RYR3: variants seen among roughly 807,000 people sequenced by gnomAD.
RYR3 encodes the protein brain ryanodine receptor-calcium release channel.
In RYR3, 207 loss-of-function variants were observed where a neutral mutation model predicts 584.3. That is an observed-to-expected ratio of 0.35 (90% CI 0.32 to 0.40). The LOEUF is 0.40. Among genes scored for constraint, RYR3 ranks in the 10% least tolerant of loss-of-function variants. The pLI, the probability that RYR3 is intolerant of heterozygous loss-of-function variation, is 1.00. For missense variants in RYR3, 5,616 were observed against 6,089.2 expected (o/e 0.92, Z 2.59); for synonymous variants, 2,416 against 2,248.5 (o/e 1.07, Z -2.11).
At chr15:33,717,750 T>TAACA (rs2067608174) in intron 43 of RYR3, among the ~76,000 whole-genome samples, 1 of 152,168 alleles carries the variant, frequency 6.6e-6, no homozygotes, top group African/African-American at 2.4e-5. Flanking sequence ...TCTGCGGGGG[T>TAACA]GGCTCTGTTC....
chr15:33,330,901 ATT>A (rs1227394347), intron 1 of RYR3, among the ~76,000 whole-genome samples: 2 of 152,152 alleles, frequency 1.3e-5, no homozygotes, highest in Non-Finnish European at 2.9e-5. Context: ...GTGTTTTAGT[ATT>A]ATCTCTGCTA....
chr15:33,552,008 G>A (rs563307933), intron 10 of RYR3, among the ~76,000 whole-genome samples: 1 of 152,314 alleles, frequency 6.6e-6, no homozygotes, highest in Admixed American at 6.5e-5. Flanking sequence ...GTTTTCCTAA[G>A]AATGCCAGTT....
intron 81 of RYR3, among the ~76,000 whole-genome samples, chr15:33,823,715 G>A (rs1002689290): frequency 6.6e-6 from 1 of 152,174 alleles, no homozygotes; most frequent in Non-Finnish European, 1.5e-5. Context: ...CAGAGTCATA[G>A]GTCATGATAC....
intron 2 of RYR3, among the ~76,000 whole-genome samples, chr15:33,487,975 C>T (rs1297934692): frequency 6.6e-6 from 1 of 152,158 alleles, no homozygotes; most frequent in East Asian, 1.9e-4. Flanking sequence ...AAAGAAATAG[C>T]ATAGAAGTCA....
chr15:33,693,851 A>C (rs1371116791), intron 38 of RYR3, among the ~76,000 whole-genome samples: 1 of 152,194 alleles, frequency 6.6e-6, no homozygotes, highest in African/African-American at 2.4e-5. Context: ...TCCATCAAGG[A>C]TGTTAGCTTT....
At chr15:33,698,667 G>A (rs181182277) in intron 40 of RYR3, among the ~76,000 whole-genome samples, 1 of 151,764 alleles carries the variant, frequency 6.6e-6, no homozygotes, top group African/African-American at 2.4e-5. Context: ...TTTCATCAGT[G>A]CTACTGGGGA....
chr15:33,698,185 G>A (rs527390375), intron 40 of RYR3, among the ~76,000 whole-genome samples, 189 bp downstream of exon 40: 80 of 152,336 alleles, frequency 5.3e-4, no homozygotes, highest in Admixed American at 1.6e-3. Context: ...CATTGTGTAA[G>A]AGCTCTTGAA....
At chr15:33,493,926 A>G (rs1265748263) in intron 2 of RYR3, among the ~76,000 whole-genome samples, 1 of 149,838 alleles carries the variant, frequency 6.7e-6, no homozygotes, top group African/African-American at 2.5e-5. Context: ...CAAAATAATA[A>G]TGATGATGAT....
At chr15:33,574,860 T>G (rs1476848531) in intron 12 of RYR3, among the ~76,000 whole-genome samples, 1 of 152,128 alleles carries the variant, frequency 6.6e-6, no homozygotes, top group African/African-American at 2.4e-5. Flanking sequence ...TCAAGACCCA[T>G]TCATGTGCCG....
chr15:33,410,357 A>C (rs2043315893), intron 1 of RYR3, among the ~76,000 whole-genome samples: 2 of 152,244 alleles, frequency 1.3e-5, no homozygotes. Context: ...TTTGAGTTGA[A>C]TTGGAATGAA....
intron 1 of RYR3, among the ~76,000 whole-genome samples, chr15:33,323,205 A>G (rs1969229627): frequency 6.6e-6 from 1 of 151,962 alleles, no homozygotes; most frequent in Non-Finnish European, 1.5e-5. Flanking sequence ...TCCGCCTCCC[A>G]GGTTCACGCC....
rs1400957001 is a variant in RYR3, at chr15:33,402,700, ATGT to A, written c.52-70718_52-70716del. On this transcript the variant is annotated intron_variant, in intron 1 of 103. Coordinates refer to ENST00000634891, the MANE Select transcript of RYR3 (RefSeq NM_001036.6). Reference sequence around the variant, plus strand: ...CATAAATCCTGCACAGACTAAGAGCATGTCAGTGAGAACTGCCCTAGGCAGAGG... The same window carrying A: ...CATAAATCCTGCACAGACTAAGAGCACAGTGAGAACTGCCCTAGGCAGAGG... 2.0e-5 allele frequency among the ~76,000 whole-genome samples: 3 copies of A among 152,386 alleles called. No homozygotes were observed. In the East Asian group the frequency reaches 5.8e-4, roughly 29 times the overall value.
At chr15:33,773,307 A>G (rs1231982794) in intron 63 of RYR3, among the ~76,000 whole-genome samples, 1 of 152,224 alleles carries the variant, frequency 6.6e-6, no homozygotes, top group Admixed American at 6.5e-5. Flanking sequence ...GATAAGCCCC[A>G]CAAAGGAACT....
At chr15:33,854,669 C>A in intron 97 of RYR3, 97 bp from the exon 98 acceptor site, 1 of 1,473,896 alleles carries the variant, frequency 6.8e-7, no homozygotes, top group Admixed American at 2.1e-5. Context: ...TAAACCCCCT[C>A]TATCCTCAGT....
intron 40 of RYR3, among the ~76,000 whole-genome samples, chr15:33,698,786 T>G (rs2066050886): frequency 6.6e-6 from 1 of 152,146 alleles, no homozygotes; most frequent in Admixed American, 6.5e-5. Flanking sequence ...AGCACATGTC[T>G]GGATGCCTCA....
chr15:33,690,460 C>T (rs2065341133), intron 38 of RYR3, among the ~76,000 whole-genome samples: 1 of 152,222 alleles, frequency 6.6e-6, no homozygotes, highest in South Asian at 2.1e-4. Context: ...TCTTACTCTT[C>T]TTATATGAGA....
At chr15:33,595,676 C>T (rs2152540644) in intron 16 of RYR3, among the ~76,000 whole-genome samples, 1 of 152,246 alleles carries the variant, frequency 6.6e-6, no homozygotes, top group South Asian at 2.1e-4. Context: ...GAAGATGAGC[C>T]TTCAATTGCT....
intron 42 of RYR3, among the ~76,000 whole-genome samples, chr15:33,706,144 A>T (rs551219227): frequency 2.5e-4 from 38 of 152,366 alleles, no homozygotes; most frequent in South Asian, 1.2e-3. Flanking sequence ...CTTATAAAAA[A>T]AAAAATAAAA....
At chr15:33,398,883 T>C (rs1243824684) in intron 1 of RYR3, among the ~76,000 whole-genome samples, 2 of 152,112 alleles carry the variant, frequency 1.3e-5, no homozygotes, top group East Asian at 3.9e-4. Flanking sequence ...GGTACCTGGG[T>C]GCGGGGTGCA....
Sources: gnomAD v4.1 joint callset for allele counts (sites outside exome capture counted in the v4.1 genomes callset) on GRCh38, gnomAD v4.1.1 for gene constraint, MANE v1.5 for transcripts, NCBI Gene and HGNC (gene_info 2026-07-23, HGNC 2026-07-21) for gene names.